The following MYO9A variants were observed in gnomAD, a reference collection of about 807,000 sequenced individuals.
MYO9A encodes unconventional myosin-IXa.
MYO9A carries 103 observed loss-of-function variants against 293.3 expected under a neutral mutation model. That is an observed-to-expected ratio of 0.35 (90% CI 0.30 to 0.41). MYO9A has a LOEUF of 0.41. Among genes scored for constraint, MYO9A ranks in the 10% least tolerant of loss-of-function variants. The pLI, the probability that MYO9A is intolerant of heterozygous loss-of-function variation, is 1.00. For missense variants in MYO9A, 2,685 were observed against 3,033.0 expected, an observed-to-expected ratio of 0.89 and a Z score of 2.69; for synonymous variants, 1,001 against 1,035.7, an observed-to-expected ratio of 0.97 and a Z score of 0.64.
Position 71,898,191 on chromosome 15 carries a change from T to C in MYO9A, c.4312A>G (p.Ser1438Gly), listed in dbSNP as rs748451839. ...PLKTNSQLDT[S>G]IQRNKLLENE... ...TCCAATAGTTTGTTTCTTTGGATACTTGTGTCTAGTTGGGAATTTGTTTTC... is the reference window on the plus strand; with the variant it reads ...TCCAATAGTTTGTTTCTTTGGATACCTGTGTCTAGTTGGGAATTTGTTTTC... The change falls in exon 25 of 42, where the codon AGT becomes GGT. Residue 1438 changes from serine (S) to glycine (G), a missense_variant. Transcript: ENST00000356056. 10 of 1,614,188 alleles carry C rather than the reference T, an allele frequency of 6.2e-6. No homozygotes were observed. The Admixed American group carries it at 1.3e-4, about 22-fold the overall frequency.
chr15:71,928,611 C>A (rs1287620131), intron 18 of MYO9A, among the ~76,000 whole-genome samples: 2 of 152,098 alleles, frequency 1.3e-5, no homozygotes, highest in African/African-American at 4.8e-5. Flanking sequence ...TCTTCAATTT[C>A]TTTCATCAAT....
chr15:72,090,974 CAAAAAAAAAA>C (rs746293943), intron 1 of MYO9A, among the ~76,000 whole-genome samples: 2,048 of 142,960 alleles, frequency 0.014, 25 homozygotes, highest in Middle Eastern at 0.043. Flanking sequence ...ACAGCTTCAG[CAAAAAAAAAA>C]TAAATAAATA....
At chr15:72,085,630 C>T (rs2079695070) in intron 1 of MYO9A, among the ~76,000 whole-genome samples, 1 of 152,180 alleles carries the variant, frequency 6.6e-6, no homozygotes, top group East Asian at 1.9e-4. Flanking sequence ...TGTCACTTCA[C>T]CCATCTCAGC....
intron 1 of MYO9A, among the ~76,000 whole-genome samples, chr15:72,099,435 A>G (rs1306495308): frequency 1.0e-4 from 15 of 148,664 alleles, no homozygotes; most frequent in African/African-American, 2.0e-4. Context: ...AAAAAAAAAA[A>G]AAAAAAAGAA....
intron 1 of MYO9A, among the ~76,000 whole-genome samples, chr15:72,053,422 G>GT (rs1209471000): frequency 6.6e-6 from 1 of 151,992 alleles, no homozygotes; most frequent in Non-Finnish European, 1.5e-5. Context: ...AAAAAAAAAG[G>GT]TTTTTTAAGT....
At chr15:72,103,869 G>T (rs997672683) in intron 1 of MYO9A, among the ~76,000 whole-genome samples, 5 of 152,224 alleles carry the variant, frequency 3.3e-5, no homozygotes, top group African/African-American at 9.6e-5. Context: ...ACTGAGGGGG[G>T]ATATGTTGAC....
chr15:71,963,719 T>C (rs998861974), intron 13 of MYO9A, among the ~76,000 whole-genome samples: 1 of 152,248 alleles, frequency 6.6e-6, no homozygotes, highest in Non-Finnish European at 1.5e-5. Flanking sequence ...CCCAAAGTGC[T>C]GGGATTACAG....
At chr15:71,838,497 A>G (rs191075658) in intron 39 of MYO9A, among the ~76,000 whole-genome samples, 216 of 152,332 alleles carry the variant, frequency 1.4e-3, no homozygotes, top group African/African-American at 4.6e-3. Context: ...AAAAATATAA[A>G]GCCATATTGT....
rs1263960958 is a variant in MYO9A, at chr15:72,099,420, CCCAAAAAAAA to C, written c.-72+18250_-72+18259del. On this transcript the variant is annotated intron_variant, in intron 1 of 41. Transcript: ENST00000356056. Reference sequence around the variant, plus strand: ...GCTGGGCAATAGAGCAAGACCCTGCCCCAAAAAAAAAAAAAAAAAAAAGAAAAAAAAATTA... The same window carrying C: ...GCTGGGCAATAGAGCAAGACCCTGCCAAAAAAAAAAAAGAAAAAAAAATTA... Among the ~76,000 whole-genome samples the C allele has an allele frequency of 2.5e-3, 70 of 27,844 alleles. 1 individual carries two copies. Among genetic ancestry groups the C allele is most frequent in the South Asian group, 0.01 (8 of 800 alleles). The allele number at this position is 27,844 out of a possible 152,430, so 18.3% of individuals were successfully genotyped here.
chr15:71,956,352 A>ATATATATATATATATATAT (rs1346560683), intron 14 of MYO9A, among the ~76,000 whole-genome samples: 3 of 64,924 alleles, frequency 4.6e-5, no homozygotes, highest in African/African-American at 1.5e-4. Context: ...TATATATATA[A>ATATATATATATATATATAT]AATACGCCCA....
intron 14 of MYO9A, 110 bp from the exon 15 acceptor site, chr15:71,952,006 G>A (rs1199367577): frequency 5.4e-6 from 6 of 1,118,114 alleles, no homozygotes; most frequent in Non-Finnish European, 7.2e-6. Flanking sequence ...ATTTAAGGGT[G>A]TATAAAAATG....
intron 11 of MYO9A, among the ~76,000 whole-genome samples, chr15:71,987,612 T>C (rs2076438106): frequency 1.3e-5 from 2 of 152,192 alleles, no homozygotes; most frequent in South Asian, 2.1e-4. Context: ...TATCTGATTA[T>C]AGCATTTACA....
At chr15:72,005,111 T>C (rs761002765) in intron 8 of MYO9A, among the ~76,000 whole-genome samples, 25 of 152,318 alleles carry the variant, frequency 1.6e-4, no homozygotes, top group Middle Eastern at 3.4e-3. Flanking sequence ...AGGTATCTTC[T>C]TTAGCTCCTG....
intron 18 of MYO9A, among the ~76,000 whole-genome samples, chr15:71,927,260 C>T (rs553995494): frequency 6.6e-6 from 1 of 152,290 alleles, no homozygotes; most frequent in Non-Finnish European, 1.5e-5. Context: ...GACATTAACC[C>T]ACTGCCATAT....
rs1436692217 is a variant in MYO9A at position 71,826,983 on chromosome 15, A to C, written c.7244T>G (p.Leu2415Trp). 1.2e-6 allele frequency: 2 copies of C among 1,613,030 alleles called. No individual in the cohort carries two copies. The highest frequency in any genetic ancestry group is 1.3e-5 in the African/African-American group (1 of 74,840). The change falls in exon 42 of 42, where the codon TTG becomes TGG. Residue 2415 changes from leucine (L) to tryptophan (W), a missense_variant. Leu to Trp is a moderately conservative substitution (Grantham distance 61). Transcript: ENST00000356056. ...TTGCTGCTTTTTAAGTTGCTTTCGC[A>C]ACTTGCTGGAAGGTTCAGACTTGCC... is the stretch of plus-strand genomic sequence containing the variant. ...TAGKSEPSSKLRKQLKKQQDS... is the reference protein window; with the variant it reads ...TAGKSEPSSKWRKQLKKQQDS...
intron 25 of MYO9A, among the ~76,000 whole-genome samples, chr15:71,896,033 T>A (rs1314302829): frequency 1.3e-5 from 2 of 152,204 alleles, no homozygotes; most frequent in African/African-American, 4.8e-5. Flanking sequence ...TTTAACACTC[T>A]CTTATGGATG....
At chr15:72,085,032 T>C (rs2079671854) in intron 1 of MYO9A, among the ~76,000 whole-genome samples, 1 of 152,226 alleles carries the variant, frequency 6.6e-6, no homozygotes, top group Non-Finnish European at 1.5e-5. Flanking sequence ...CCTGATTGAC[T>C]GTCTTATTTC....
rs747432415 is a variant in MYO9A at position 71,859,718 on chromosome 15, A to C, written c.6153+17T>G. ...AACAGGTCTGTTATCTATTACTGATAGGTGATAATTTCTTACCTTTTTAGA... is the reference window on the plus strand; with the variant it reads ...AACAGGTCTGTTATCTATTACTGATCGGTGATAATTTCTTACCTTTTTAGA... On this transcript the variant is annotated intron_variant, in intron 34 of 41. Coordinates refer to ENST00000356056, the MANE Select transcript of MYO9A (RefSeq NM_006901.4). 1.3e-5 allele frequency: 20 copies of C among 1,596,438 alleles called. No individual in the cohort carries two copies. Among genetic ancestry groups the C allele is most frequent in the African/African-American group, 1.3e-5 (1 of 74,506 alleles).
At chr15:71,924,243 T>C (rs1413873615) in intron 18 of MYO9A, among the ~76,000 whole-genome samples, 2 of 151,780 alleles carry the variant, frequency 1.3e-5, no homozygotes, top group Non-Finnish European at 1.5e-5. Flanking sequence ...ATTATTATCA[T>C]TATTGTTATT....
Sources: allele counts gnomAD v4.1 joint callset (sites outside exome capture counted in the v4.1 genomes callset), GRCh38; gene constraint gnomAD v4.1.1; transcripts MANE v1.5; gene names NCBI Gene and HGNC (gene_info 2026-07-23, HGNC 2026-07-21).